The following KLF8 variants were observed in gnomAD, a reference collection of about 807,000 sequenced individuals.
KLF8 encodes the protein Krueppel-like factor 8.
In KLF8, 10 loss-of-function variants were observed where a neutral mutation model predicts 18.2. The ratio of observed to expected loss-of-function variants is 0.55; its 90% CI spans 0.34 to 0.93. The LOEUF is 0.93. Ranked by LOEUF, KLF8 falls within the 40% of genes least tolerant of loss-of-function variation. The pLI is 0.02. For synonymous variants in KLF8, 109 were observed against 97.3 expected (o/e 1.12, Z -0.71); for missense variants, 264 against 277.9 (o/e 0.95, Z 0.36).
At chrX:56,269,598 G>A (rs2067024420) in intron 4 of KLF8, 109 bp downstream of exon 4, 2 of 1,026,105 alleles carry the variant, frequency 1.9e-6, no homozygotes, top group East Asian at 7.3e-5. Context: ...ACAAGAGTAA[G>A]AATTTGAGGA....
chrX:56,045,380 A>G, the KLF8 span, among the ~76,000 whole-genome samples: 1 of 109,862 alleles, frequency 9.1e-6, no homozygotes, highest in East Asian at 2.9e-4. Flanking sequence ...GCCTATGAAA[A>G]CTTTTTTTTT....
chrX:56,057,083 G>A, the KLF8 span, among the ~76,000 whole-genome samples: 4 of 111,801 alleles, frequency 3.6e-5, no homozygotes, highest in East Asian at 1.1e-3. Context: ...CAGTGGTGAA[G>A]GCAGTTCGGC....
At chrX:55,993,635 G>A in the KLF8 span, among the ~76,000 whole-genome samples, 1 of 112,120 alleles carries the variant, frequency 8.9e-6, no homozygotes, top group South Asian at 3.7e-4. Context: ...GTAGGGAGGA[G>A]TCCTTCCTTC....
the KLF8 span, among the ~76,000 whole-genome samples, chrX:56,141,489 A>AT: frequency 8.1e-5 from 9 of 111,301 alleles, no homozygotes; most frequent in Non-Finnish European, 1.7e-4. Context: ...TAAGTAATCT[A>AT]TTTTTTCTAA....
chrX:56,056,239 G>T, the KLF8 span, among the ~76,000 whole-genome samples: 1 of 110,119 alleles, frequency 9.1e-6, no homozygotes, highest in African/African-American at 3.3e-5. Context: ...TGCTGAACTT[G>T]GATTTTTTTC....
At chrX:55,986,166 A>G in the KLF8 span, among the ~76,000 whole-genome samples, 3 of 111,351 alleles carry the variant, frequency 2.7e-5, no homozygotes, top group East Asian at 2.8e-4. Flanking sequence ...AAAACTTCCA[A>G]TACTATGTTG....
chrX:56,135,206 T>C, the KLF8 span, among the ~76,000 whole-genome samples: 1 of 111,253 alleles, frequency 9.0e-6, no homozygotes, highest in Non-Finnish European at 1.9e-5. Flanking sequence ...ACTGGTTATA[T>C]ACCCAAAGGA....
the KLF8 span, among the ~76,000 whole-genome samples, chrX:56,054,965 G>T: frequency 9.0e-6 from 1 of 111,363 alleles, no homozygotes; most frequent in African/African-American, 3.3e-5. Flanking sequence ...AAGTCTATGT[G>T]TGTGATTTCA....
At position 56,233,276 on chromosome X, in the gene KLF8, A is replaced by G. The variant is rs759919054; in HGVS notation, c.-59A>G. On this transcript the variant is annotated 5_prime_UTR_variant, in exon 1 of 6. An upstream start codon of the reference 5' UTR is lost. Transcript: ENST00000468660. ...GCTCTCTTGCGATCAGCTCAGGAGT[A>G]TGAGCCTCCCGGAGGACGGCATGAG... 1.7e-6 allele frequency: 2 copies of G among 1,200,243 alleles called. No homozygotes were observed. Among genetic ancestry groups the G allele is most frequent in the Non-Finnish European group, 1.1e-6 (1 of 885,665 alleles).
chrX:55,926,102 C>G, the KLF8 span, among the ~76,000 whole-genome samples: 1 of 111,792 alleles, frequency 8.9e-6, no homozygotes, highest in Non-Finnish European at 1.9e-5. Flanking sequence ...TATTTGTGGT[C>G]ATGATGTGTA....
chrX:56,187,588 C>G, the KLF8 span, among the ~76,000 whole-genome samples: 5 of 111,440 alleles, frequency 4.5e-5, no homozygotes, highest in African/African-American at 6.5e-5. Context: ...AATTTTAGAC[C>G]AATATCCTTG....
At chrX:55,990,183 A>C in the KLF8 span, among the ~76,000 whole-genome samples, 1 of 110,509 alleles carries the variant, frequency 9.0e-6, no homozygotes, top group African/African-American at 3.3e-5. Context: ...TTTTGAAGGG[A>C]TTTTTGTGTC....
chrX:56,040,452 C>T, the KLF8 span, among the ~76,000 whole-genome samples: 23 of 111,018 alleles, frequency 2.1e-4, no homozygotes, highest in Non-Finnish European at 4.0e-4. Context: ...TGAATTTTAT[C>T]GACAGCCTTA....
At chrX:56,248,786 C>T (rs2066662278) in intron 1 of KLF8, among the ~76,000 whole-genome samples, 1 of 111,616 alleles carries the variant, frequency 9.0e-6, no homozygotes, top group Admixed American at 9.6e-5. Context: ...CTTAGCTACC[C>T]TCTCTACCAC....
the KLF8 span, among the ~76,000 whole-genome samples, chrX:56,116,839 G>T: frequency 9.1e-6 from 1 of 109,486 alleles, no homozygotes. Flanking sequence ...AGCTCACTAG[G>T]CATTTGAAAT....
At chrX:56,130,708 C>T in the KLF8 span, among the ~76,000 whole-genome samples, 12 of 111,628 alleles carry the variant, frequency 1.1e-4, no homozygotes, top group African/African-American at 3.6e-4. Flanking sequence ...TTAAGCTAAT[C>T]AAGGAAGCAC....
At chrX:56,040,597 C>T in the KLF8 span, among the ~76,000 whole-genome samples, 3 of 110,112 alleles carry the variant, frequency 2.7e-5, no homozygotes, top group African/African-American at 9.8e-5. Flanking sequence ...GGTGGATAAG[C>T]TTTTTGGTGT....
chrX:56,103,343 G>A, the KLF8 span, among the ~76,000 whole-genome samples: 1 of 111,603 alleles, frequency 9.0e-6, no homozygotes, highest in Non-Finnish European at 1.9e-5. Flanking sequence ...CTATCAATTA[G>A]CATGGAATGT....
chrX:55,936,872 G>A, the KLF8 span, among the ~76,000 whole-genome samples: 7 of 111,905 alleles, frequency 6.3e-5, no homozygotes, highest in South Asian at 1.1e-3. Flanking sequence ...AAACAAAGCA[G>A]CCGGGAAACT....
Sources: gnomAD v4.1 joint callset for allele counts (sites outside exome capture counted in the v4.1 genomes callset) on GRCh38, gnomAD v4.1.1 for gene constraint, MANE v1.5 for transcripts, NCBI Gene and HGNC (gene_info 2026-07-23, HGNC 2026-07-21) for gene names.